LRMDA: variants seen among roughly 807,000 people sequenced by gnomAD.
The protein encoded by LRMDA is leucine-rich melanocyte differentiation-associated protein.
Under a neutral mutation model 29.8 loss-of-function variants are expected in LRMDA, and 18 were observed. The observed-to-expected ratio is 0.60, with a 90% CI of 0.42 to 0.90. The LOEUF is 0.90. Among genes scored for constraint, LRMDA ranks in the 40% least tolerant of loss-of-function variants. LRMDA has a pLI of 0.00. For missense variants in LRMDA, 273 were observed against 273.9 expected (o/e 1.00, Z 0.02); for synonymous variants, 125 against 109.4 (o/e 1.14, Z -0.89).
In LRMDA at chr10:75,505,279, C is replaced by G. The variant is rs553634133; in HGVS notation, c.131+66785C>G. 1.4e-4 allele frequency among the ~76,000 whole-genome samples: 21 copies of G among 152,286 alleles called. 2 individuals are homozygous for G. Among genetic ancestry groups the G allele is most frequent in the African/African-American group, 4.8e-4 (20 of 41,548 alleles). On this transcript the variant is annotated intron_variant, in intron 2 of 6. Transcript: ENST00000611255. Reference sequence around the variant, plus strand: ...TCTAGAATCCTTCTGTTTTATTGCTCTGCCATCTCTAGACCATTGTCCTTA... The same window carrying G: ...TCTAGAATCCTTCTGTTTTATTGCTGTGCCATCTCTAGACCATTGTCCTTA...
At chr10:76,227,531 G>C (rs552633672) in intron 5 of LRMDA, among the ~76,000 whole-genome samples, 1 of 152,186 alleles carries the variant, frequency 6.6e-6, no homozygotes, top group Non-Finnish European at 1.5e-5. Flanking sequence ...GTTGTGGATA[G>C]TAGTGAATTT....
At chr10:76,369,690 T>C (rs2132456259) in intron 6 of LRMDA, among the ~76,000 whole-genome samples, 1 of 152,304 alleles carries the variant, frequency 6.6e-6, no homozygotes, top group Middle Eastern at 3.4e-3. Context: ...GCTTTGATTA[T>C]TCCCCTAAAT....
intron 5 of LRMDA, among the ~76,000 whole-genome samples, chr10:76,323,828 C>A (rs999105512): frequency 6.6e-6 from 1 of 152,176 alleles, no homozygotes; most frequent in African/African-American, 2.4e-5. Context: ...CACTACATCC[C>A]AAATCCAAAT....
intron 2 of LRMDA, among the ~76,000 whole-genome samples, chr10:75,524,631 G>A (rs1456575160): frequency 6.6e-6 from 1 of 152,104 alleles, no homozygotes; most frequent in Admixed American, 6.5e-5. Flanking sequence ...CTGTGTATAT[G>A]GTGTCTTCTT....
At chr10:76,414,173 A>T (rs549608128) in intron 6 of LRMDA, among the ~76,000 whole-genome samples, 1 of 152,350 alleles carries the variant, frequency 6.6e-6, no homozygotes, top group South Asian at 2.1e-4. Context: ...TCATCTAGTG[A>T]AAGGACATTA....
chr10:76,300,216 C>T (rs913842757), intron 5 of LRMDA, among the ~76,000 whole-genome samples: 1 of 152,154 alleles, frequency 6.6e-6, no homozygotes, highest in African/African-American at 2.4e-5. Context: ...TAAAAATAGA[C>T]TGTGAGATCT....
chr10:75,881,737 CA>C (rs1221391824), intron 2 of LRMDA, among the ~76,000 whole-genome samples: 1 of 152,230 alleles, frequency 6.6e-6, no homozygotes, highest in African/African-American at 2.4e-5. Context: ...ATTCTGTAAC[CA>C]GGGCCCTTGA....
chr10:75,772,664 G>C (rs1423585155), intron 2 of LRMDA, among the ~76,000 whole-genome samples: 1 of 152,128 alleles, frequency 6.6e-6, no homozygotes, highest in African/African-American at 2.4e-5. Flanking sequence ...TGGGTAATGA[G>C]GTTCTTCCCT....
At chr10:76,370,243 A>C (rs908923085) in intron 6 of LRMDA, among the ~76,000 whole-genome samples, 7 of 152,110 alleles carry the variant, frequency 4.6e-5, no homozygotes, top group South Asian at 2.1e-4. Context: ...AAGGGTAAAA[A>C]AAAACAAAAC....
At chr10:75,513,179 G>T (rs989724299) in intron 2 of LRMDA, among the ~76,000 whole-genome samples, 5 of 152,162 alleles carry the variant, frequency 3.3e-5, no homozygotes, top group Admixed American at 2.6e-4. Flanking sequence ...TGAAAAATTT[G>T]TGATTGAAGG....
intron 6 of LRMDA, among the ~76,000 whole-genome samples, chr10:76,349,788 G>T (rs928614380): frequency 3.4e-4 from 52 of 152,042 alleles, no homozygotes; most frequent in African/African-American, 9.4e-4. Flanking sequence ...GAAAACAATT[G>T]ATTATTTTCT....
chr10:76,173,480 G>A (rs1033478676), intron 5 of LRMDA, among the ~76,000 whole-genome samples: 1 of 152,096 alleles, frequency 6.6e-6, no homozygotes, highest in African/African-American at 2.4e-5. Context: ...CAGATAGAAG[G>A]CACAGATTAC....
chr10:76,074,799 T>C (rs1231358215), intron 5 of LRMDA, among the ~76,000 whole-genome samples: 1 of 152,134 alleles, frequency 6.6e-6, no homozygotes, highest in Non-Finnish European at 1.5e-5. Context: ...AGAATATTGG[T>C]TGAGGAGCTA....
rs541285998 is a variant in LRMDA at position 75,669,787 on chromosome 10, A to AT, written c.131+231298dup. ...TATCATTTTTAATGTTGGTAACTTG[A>AT]TTTTTGTAATATAAAGACATATAAA... On this transcript the variant is annotated intron_variant, in intron 2 of 6. Coordinates refer to ENST00000611255, the MANE Select transcript of LRMDA (RefSeq NM_001305581.2). Among the ~76,000 whole-genome samples, 22 of 152,296 alleles carry AT rather than the reference A, an allele frequency of 1.4e-4. No individual in the cohort carries two copies. The South Asian group carries it at 4.4e-3, about 30-fold the overall frequency.
intron 6 of LRMDA, among the ~76,000 whole-genome samples, chr10:76,418,328 TTG>T (rs35733567): frequency 0.4 from 59,879 of 149,404 alleles, 12,597 homozygotes; most frequent in Middle Eastern, 0.59. Context: ...TTAGTTTTTC[TTG>T]TGTGTGTGTG....
chr10:76,138,933 A>G (rs1423839408), intron 5 of LRMDA, among the ~76,000 whole-genome samples: 2 of 152,176 alleles, frequency 1.3e-5, no homozygotes, highest in African/African-American at 2.4e-5. Context: ...TCTGAATGCT[A>G]CATATAGAAT....
chr10:75,949,933 C>T (rs985596590), intron 2 of LRMDA, among the ~76,000 whole-genome samples: 2 of 152,194 alleles, frequency 1.3e-5, no homozygotes, highest in African/African-American at 2.4e-5. Context: ...AGTGTCATGA[C>T]GTTTTCTTGG....
intron 2 of LRMDA, among the ~76,000 whole-genome samples, chr10:75,692,774 A>G (rs1842187645): frequency 6.6e-6 from 1 of 152,006 alleles, no homozygotes; most frequent in Non-Finnish European, 1.5e-5. Context: ...GCTGTAGTAG[A>G]GAGGCCTGGT....
intron 5 of LRMDA, among the ~76,000 whole-genome samples, chr10:76,227,391 C>T (rs971280638): frequency 6.6e-6 from 1 of 151,966 alleles, no homozygotes; most frequent in Non-Finnish European, 1.5e-5. Context: ...TCTGTTTTTT[C>T]TTCCTTCCTA....
Sources: allele counts gnomAD v4.1 joint callset (sites outside exome capture counted in the v4.1 genomes callset), GRCh38; gene constraint gnomAD v4.1.1; transcripts MANE v1.5; gene names NCBI Gene and HGNC (gene_info 2026-07-23, HGNC 2026-07-21).